SRGAP3: variants seen among roughly 807,000 people sequenced by gnomAD.
SRGAP3 encodes SLIT-ROBO Rho GTPase-activating protein 3.
Under a neutral mutation model 121.1 loss-of-function variants are expected in SRGAP3, and 39 were observed. The ratio of observed to expected loss-of-function variants is 0.32; its 90% CI spans 0.25 to 0.42. The LOEUF (loss-of-function observed/expected upper bound fraction) is 0.42. Ranked by LOEUF, SRGAP3 falls within the 10% of genes least tolerant of loss-of-function variation. The pLI is 1.00. For synonymous variants in SRGAP3, 601 were observed against 570.0 expected, an observed-to-expected ratio of 1.05 and a Z score of -0.77; for missense variants, 1,213 against 1,470.6, an observed-to-expected ratio of 0.82 and a Z score of 2.86.
Position 9,032,491 on chromosome 3 carries a change from G to A in SRGAP3, c.1539+159C>T, listed in dbSNP as rs190710449. 1.1e-3 allele frequency among the ~76,000 whole-genome samples: 165 copies of A among 152,336 alleles called. 2 individuals carry two copies. The highest frequency in any genetic ancestry group is 3.4e-3 in the Middle Eastern group (1 of 294). ...ATGGTTAGAAGCCACGGCAGCTCCC[G>A]TGAAAAGTCCTTGCTGAAGCTAAGA... On this transcript the variant is annotated intron_variant, in intron 12 of 21. Coordinates refer to ENST00000383836, the MANE Select transcript of SRGAP3 (RefSeq NM_014850.4).
At chr3:9,325,048 G>A (rs1010652774) in intron 3 of SRGAP3, among the ~76,000 whole-genome samples, 2 of 151,592 alleles carry the variant, frequency 1.3e-5, no homozygotes, top group East Asian at 1.9e-4. Flanking sequence ...CTCAGTTACC[G>A]TCATTTTGGG....
intron 1 of SRGAP3, among the ~76,000 whole-genome samples, chr3:9,171,553 C>T (rs917363922): frequency 3.3e-5 from 5 of 152,194 alleles, no homozygotes; most frequent in African/African-American, 1.2e-4. Flanking sequence ...TTCTACATGA[C>T]TTGGAAGGAC....
At chr3:9,200,657 C>T (rs1333983712) in intron 1 of SRGAP3, among the ~76,000 whole-genome samples, 1 of 152,090 alleles carries the variant, frequency 6.6e-6, no homozygotes, top group Non-Finnish European at 1.5e-5. Context: ...TGTGTGCCTC[C>T]CTGGGATAGA....
intron 21 of SRGAP3, among the ~76,000 whole-genome samples, chr3:8,987,414 A>G (rs1248305537): frequency 2.7e-5 from 4 of 146,790 alleles, no homozygotes; most frequent in African/African-American, 1.1e-4. Context: ...CTTTATTGCA[A>G]ATCCTAAAAA....
At chr3:9,324,523 A>G (rs949002536) in intron 3 of SRGAP3, among the ~76,000 whole-genome samples, 1 of 151,906 alleles carries the variant, frequency 6.6e-6, no homozygotes, top group African/African-American at 2.4e-5. Flanking sequence ...CTGTTCTAGG[A>G]TCTATGTTTC....
intron 1 of SRGAP3, among the ~76,000 whole-genome samples, chr3:9,176,522 G>A (rs570071422): frequency 3.9e-5 from 6 of 152,186 alleles, no homozygotes; most frequent in Non-Finnish European, 5.9e-5. Context: ...GGACTCCTGT[G>A]TTAGTCCATT....
chr3:9,134,555 G>A (rs1426481663), intron 1 of SRGAP3, among the ~76,000 whole-genome samples: 2 of 152,056 alleles, frequency 1.3e-5, no homozygotes, highest in African/African-American at 4.8e-5. Context: ...TTCAGGGAGG[G>A]GAAATGGCTT....
intron 9 of SRGAP3, among the ~76,000 whole-genome samples, chr3:9,048,950 G>A (rs963747781): frequency 6.6e-6 from 1 of 152,138 alleles, no homozygotes; most frequent in African/African-American, 2.4e-5. Flanking sequence ...GGGGACCTGC[G>A]GGAAGGAGGT....
chr3:9,253,110 C>T (rs1295746750), upstream of SRGAP3, among the ~76,000 whole-genome samples: 1 of 152,138 alleles, frequency 6.6e-6, no homozygotes, highest in Admixed American at 6.5e-5. Context: ...TGTAAATCAT[C>T]CTTGTTTTGA....
At chr3:9,332,955 C>T (rs1334527934) in intron 1 of SRGAP3, among the ~76,000 whole-genome samples, 1 of 152,152 alleles carries the variant, frequency 6.6e-6, no homozygotes, top group Non-Finnish European at 1.5e-5. Context: ...GATATGGAAC[C>T]CACTATACCA....
intron 1 of SRGAP3, among the ~76,000 whole-genome samples, chr3:9,215,618 G>C (rs1250791972): frequency 6.6e-6 from 1 of 152,256 alleles, no homozygotes; most frequent in East Asian, 1.9e-4. Context: ...GACCCAGTAA[G>C]GAAGATCACT....
In SRGAP3 at chr3:9,218,957, G is replaced by A. The variant is rs934301443; in HGVS notation, c.67+29928C>T. ...CAAAGTGTTGGGATTACAGGCGTGA[G>A]CCACTGCGCCCAGCCTATTTTATCT... On this transcript the variant is annotated intron_variant, in intron 1 of 21. Transcript: ENST00000383836. The surrounding 1 kb of genome is among the most constrained non-coding windows in gnomAD (Gnocchi z 5.3). Among the ~76,000 whole-genome samples, 1 of 152,132 alleles carries A rather than the reference G, an allele frequency of 6.6e-6. No individual in the cohort carries two copies. Among genetic ancestry groups the A allele is most frequent in the Non-Finnish European group, 1.5e-5 (1 of 68,028 alleles).
chr3:9,276,881 AG>A, intron 3 of SRGAP3, among the ~76,000 whole-genome samples: 1 of 152,198 alleles, frequency 6.6e-6, no homozygotes, highest in Admixed American at 6.5e-5. Flanking sequence ...GAATGGAGAA[AG>A]GGTCTCCCAT....
At chr3:9,099,183 G>T (rs1029544544) in intron 3 of SRGAP3, among the ~76,000 whole-genome samples, 1 of 152,158 alleles carries the variant, frequency 6.6e-6, no homozygotes. Context: ...TCTTCGAGGC[G>T]GGAACGAGAA....
At chr3:9,100,689 T>A (rs1948182680) in intron 3 of SRGAP3, among the ~76,000 whole-genome samples, 1 of 152,216 alleles carries the variant, frequency 6.6e-6, no homozygotes, top group African/African-American at 2.4e-5. Context: ...TTTTGCTGAC[T>A]GAGAGTTCAC....
At chr3:9,256,826 G>A (rs1435710812) in intron 3 of SRGAP3, 8 of 398,118 alleles carry the variant, frequency 2.0e-5, no homozygotes, top group East Asian at 1.4e-4. Flanking sequence ...AGTCTAAGTC[G>A]GTGATGGAGA....
intron 1 of SRGAP3, among the ~76,000 whole-genome samples, chr3:9,150,174 C>T (rs536732531): frequency 3.6e-4 from 55 of 151,818 alleles, no homozygotes; most frequent in African/African-American, 1.3e-3. Flanking sequence ...GAGGGGGTCC[C>T]GAAAGTAATG....
intron 1 of SRGAP3, among the ~76,000 whole-genome samples, chr3:9,195,714 G>A (rs1371263658): frequency 6.6e-6 from 1 of 152,128 alleles, no homozygotes; most frequent in Non-Finnish European, 1.5e-5. Context: ...TCAGCACGTT[G>A]GAAGGTCAAG....
intron 1 of SRGAP3, among the ~76,000 whole-genome samples, chr3:9,145,388 G>A (rs3856905): frequency 0.049 from 7,530 of 152,174 alleles, 639 homozygotes; most frequent in African/African-American, 0.17. Flanking sequence ...GAGCCACTGC[G>A]CCTGGCTTTC....
Sources: gnomAD v4.1 joint callset for allele counts (sites outside exome capture counted in the v4.1 genomes callset) on GRCh38, gnomAD v4.1.1 for gene constraint, Gnocchi (gnomAD v3.1) non-coding constraint, MANE v1.5 for transcripts, NCBI Gene and HGNC (gene_info 2026-07-23, HGNC 2026-07-21) for gene names.